Variants in GARIN3 observed in about 807,000 individuals in gnomAD.
GARIN3 encodes the protein golgi associated RAB2 interactor family member 3, also known as Golgi-associated RAB2 interactor protein 3.
chr5:157,163,787 G>T, the GARIN3 span: 1 of 1,240,932 alleles, frequency 8.1e-7, no homozygotes, highest in Non-Finnish European at 1.1e-6. Flanking sequence ...CGGGTGTGGT[G>T]GCTCACGCCT....
chr5:157,163,753 G>T, the GARIN3 span: 1 of 1,468,948 alleles, frequency 6.8e-7, no homozygotes, highest in Non-Finnish European at 9.1e-7. Flanking sequence ...TAATTCAAGG[G>T]CTTATAATTA....
chr5:157,163,971 C>T, the GARIN3 span, among the ~76,000 whole-genome samples: 1 of 151,978 alleles, frequency 6.6e-6, no homozygotes, highest in Non-Finnish European at 1.5e-5. Context: ...GTAGGAGTAT[C>T]GCTTGAACTC....
the GARIN3 span, among the ~76,000 whole-genome samples, chr5:157,163,887 C>T: frequency 6.6e-6 from 1 of 152,140 alleles, no homozygotes; most frequent in East Asian, 1.9e-4. Context: ...AAAACCCCGA[C>T]TCTACTAAAA....
At chr5:157,163,293 A>G in the GARIN3 span, 2 of 1,614,038 alleles carry the variant, frequency 1.2e-6, no homozygotes, top group Non-Finnish European at 8.5e-7. Context: ...TGCTGGATTC[A>G]TTTTCTCCTG....
At chr5:157,164,419 T>A in the GARIN3 span, among the ~76,000 whole-genome samples, 1 of 152,216 alleles carries the variant, frequency 6.6e-6, no homozygotes, top group Non-Finnish European at 1.5e-5. Context: ...CTCAAAGTGC[T>A]GGGTTAACAA....
chr5:157,162,949 G>A, the GARIN3 span: 1 of 1,614,154 alleles, frequency 6.2e-7, no homozygotes, highest in Non-Finnish European at 8.5e-7. Context: ...TTTCCTACTG[G>A]GATGTCTGTC....
At chr5:157,164,353 T>C in the GARIN3 span, among the ~76,000 whole-genome samples, 1 of 152,106 alleles carries the variant, frequency 6.6e-6, no homozygotes, top group Non-Finnish European at 1.5e-5. Context: ...GGTTTCACCA[T>C]GTTGGCCAGG....
the GARIN3 span, chr5:157,162,488 C>A: frequency 6.2e-7 from 1 of 1,614,108 alleles, no homozygotes; most frequent in Non-Finnish European, 8.5e-7. Flanking sequence ...TCCGTCTTCT[C>A]GGATGTCATA....
At chr5:157,166,133 G>A in the GARIN3 span, 1 of 1,613,944 alleles carries the variant, frequency 6.2e-7, no homozygotes, top group Non-Finnish European at 8.5e-7. Context: ...AGTAGCTGTG[G>A]GCTGTGTAAT....
the GARIN3 span, chr5:157,163,324 G>A: frequency 2.4e-5 from 39 of 1,614,034 alleles, no homozygotes; most frequent in Middle Eastern, 1.6e-4. Flanking sequence ...AGCTGCTCCC[G>A]CCAGCGCTGT....
the GARIN3 span, chr5:157,165,849 T>C: frequency 6.2e-7 from 1 of 1,614,144 alleles, no homozygotes; most frequent in Non-Finnish European, 8.5e-7. Context: ...ACCTCTCCCC[T>C]TGGCAAACCG....
the GARIN3 span, chr5:157,162,232 TG>T: frequency 1.5e-6 from 1 of 674,238 alleles, no homozygotes; most frequent in Non-Finnish European, 2.4e-6. Flanking sequence ...TCTACTTGCC[TG>T]GAGGCTGGGG....
At chr5:157,163,456 G>T in the GARIN3 span, 5 of 1,614,198 alleles carry the variant, frequency 3.1e-6, no homozygotes, top group Non-Finnish European at 4.2e-6. Flanking sequence ...TCCTGCCACT[G>T]CCATGCCACC....
the GARIN3 span, chr5:157,166,080 C>A: frequency 1.2e-6 from 2 of 1,614,152 alleles, no homozygotes; most frequent in South Asian, 2.2e-5. Flanking sequence ...GTACAATTGT[C>A]GTTGCAGGTC....
chr5:157,165,611 T>C, the GARIN3 span: 2 of 1,614,078 alleles, frequency 1.2e-6, no homozygotes, highest in South Asian at 2.2e-5. Context: ...ATAGAAGTGT[T>C]GGGGTACTGC....
At chr5:157,165,817 C>G in the GARIN3 span, 17 of 1,614,140 alleles carry the variant, frequency 1.1e-5, no homozygotes, top group Non-Finnish European at 1.4e-5. Flanking sequence ...CTCGTGAGCT[C>G]TAGAGTCTTG....
chr5:157,162,205 T>G, the GARIN3 span: 1 of 565,856 alleles, frequency 1.8e-6, no homozygotes, highest in Non-Finnish European at 3.0e-6. Flanking sequence ...CTGCTGGCCG[T>G]GGGCGGGTGG....
chr5:157,163,562 C>T, the GARIN3 span: 6 of 1,614,164 alleles, frequency 3.7e-6, no homozygotes, highest in South Asian at 6.6e-5. Context: ...TGGATTCCCT[C>T]TCCCCCAGCA....
the GARIN3 span, chr5:157,163,304 G>A: frequency 6.2e-7 from 1 of 1,614,066 alleles, no homozygotes; most frequent in Non-Finnish European, 8.5e-7. Context: ...TTTTCTCCTG[G>A]ATTTTTGATA....
Sources: gnomAD v4.1 joint callset for allele counts (sites outside exome capture counted in the v4.1 genomes callset) on GRCh38, gnomAD v4.1.1 for gene constraint, MANE v1.5 for transcripts, NCBI Gene and HGNC (gene_info 2026-07-23, HGNC 2026-07-21) for gene names.